Variants in C11orf65 observed in about 807,000 individuals in gnomAD.
The protein encoded by C11orf65 is chromosome 11 open reading frame 65, also known as protein MFI.
C11orf65 carries 38 observed loss-of-function variants against 35.3 expected under a neutral mutation model. The ratio of observed to expected loss-of-function variants is 1.08; its 90% CI spans 0.83 to 1.41. C11orf65 has a LOEUF of 1.41. Ranked by LOEUF, C11orf65 falls within the 40% of genes most tolerant of loss-of-function variation. C11orf65 has a pLI of 0.00. For missense variants in C11orf65, 370 were observed against 367.1 expected, an observed-to-expected ratio of 1.01 and a Z score of -0.06; for synonymous variants, 105 against 114.4, an observed-to-expected ratio of 0.92 and a Z score of 0.53.
intron 6 of C11orf65, among the ~76,000 whole-genome samples, chr11:108,401,295 T>C (rs1242405849): frequency 6.6e-6 from 1 of 151,328 alleles, no homozygotes; most frequent in African/African-American, 2.4e-5. Context: ...ATCCTTTTTC[T>C]AATGGAACAG....
chr11:108,404,088 ATCCCTG>A (rs1224070223), intron 6 of C11orf65, among the ~76,000 whole-genome samples: 1 of 151,982 alleles, frequency 6.6e-6, no homozygotes, highest in East Asian at 1.9e-4. Context: ...TTCTTTCCAA[ATCCCTG>A]ACCATCCAGT....
downstream of C11orf65, among the ~76,000 whole-genome samples, chr11:108,326,605 C>A (rs1048537302): frequency 5.9e-5 from 9 of 152,132 alleles, no homozygotes; most frequent in Admixed American, 4.6e-4. Flanking sequence ...CAAGTTGGGA[C>A]AATTAGGTTG....
chr11:108,330,398 T>G (rs754245181), downstream of C11orf65: 1 of 1,614,028 alleles, frequency 6.2e-7, no homozygotes, highest in Non-Finnish European at 8.5e-7. Context: ...TTCTGGAGTT[T>G]CTGAAGTCAA....
At chr11:108,418,479 G>A (rs1289144460) in intron 3 of C11orf65, among the ~76,000 whole-genome samples, 1 of 152,014 alleles carries the variant, frequency 6.6e-6, no homozygotes, top group African/African-American at 2.4e-5. Flanking sequence ...ATGAAAATAT[G>A]ACATATCAAA....
Position 108,358,171 on chromosome 11 carries a change from G to A in C11orf65, c.227-22879C>T, listed in dbSNP as rs1215465217. ...ATGCAGAAGCCTCAGGAGCCGATGC[G>A]ATCAACTGGAAGAAAGGGTATCAGC... On this transcript the variant is annotated intron_variant, in intron 2 of 3. Coordinates refer to the C11orf65 transcript ENST00000524755. 2.7e-4 allele frequency among the ~76,000 whole-genome samples: 41 copies of A among 151,748 alleles called. No individual in the cohort carries two copies. The East Asian group carries it at 2.7e-3, about 10-fold the overall frequency.
Position 108,461,582 on chromosome 11 carries a change from A to G in C11orf65, c.-9-14T>C, listed in dbSNP as rs1222251994. 7.1e-7 allele frequency: 1 copy of G among 1,400,360 alleles called. No homozygotes were observed. Among genetic ancestry groups the G allele is most frequent in the Non-Finnish European group, 9.9e-7 (1 of 1,005,342 alleles). The allele number at this position is 1,400,360 out of a possible 1,614,324, so 86.7% of individuals were successfully genotyped here. A position where few individuals can be genotyped will look rare whatever the true frequency, so the allele number is the denominator to read the frequency against. On this transcript the variant is annotated splice_polypyrimidine_tract_variant and intron_variant, in intron 1 of 8. Coordinates refer to ENST00000393084, the MANE Select transcript of C11orf65 (RefSeq NM_152587.5). ...CATTTGAAATTCCTAAAAGAAAATG[A>G]GCAAAAAGGGTACATTTAAAATAAT...
At chr11:108,339,970 A>C (rs2087328573) in intron 2 of C11orf65, among the ~76,000 whole-genome samples, 1 of 152,154 alleles carries the variant, frequency 6.6e-6, no homozygotes. Context: ...TTATATACCT[A>C]CGTTGGGTTA....
chr11:108,454,064 G>C (rs1233265747), intron 2 of C11orf65, among the ~76,000 whole-genome samples: 1 of 152,108 alleles, frequency 6.6e-6, no homozygotes, highest in African/African-American at 2.4e-5. Flanking sequence ...TTCTTTGACG[G>C]GAGGTTTTTT....
chr11:108,453,520 A>C (rs897920245), intron 2 of C11orf65, among the ~76,000 whole-genome samples: 4 of 152,194 alleles, frequency 2.6e-5, no homozygotes, highest in Non-Finnish European at 4.4e-5. Flanking sequence ...ATTTAAATAT[A>C]AGGGCACAAA....
chr11:108,455,592 C>T (rs910695026), intron 2 of C11orf65, among the ~76,000 whole-genome samples: 2 of 151,204 alleles, frequency 1.3e-5, no homozygotes, highest in Admixed American at 6.6e-5. Flanking sequence ...TCGAGGCGGG[C>T]GGATCACGAG....
At chr11:108,367,065 G>T (rs1368208870) in intron 2 of C11orf65, 1 of 182,914 alleles carries the variant, frequency 5.5e-6, no homozygotes, top group Non-Finnish European at 1.2e-5. Context: ...TCAGCTCACT[G>T]AAACCTCTGC....
chr11:108,326,194 T>C lies in C11orf65; in HGVS notation c.641-17123A>G, dbSNP rs1555120006. On this transcript the variant is annotated intron_variant, in intron 6 of 6. Transcript: ENST00000525729. ...CTTGCCCTGAGTATTCTCAAGCAAA[T>C]GATCAAGAAGTTGGATGCCAGCTGT... 1.2e-6 allele frequency: 2 copies of C among 1,614,018 alleles called. No individual in the cohort carries two copies. Among genetic ancestry groups the C allele is most frequent in the Non-Finnish European group, 1.7e-6 (2 of 1,180,022 alleles).
chr11:108,360,536 A>G (rs1004284026), intron 2 of C11orf65, among the ~76,000 whole-genome samples: 1 of 137,876 alleles, frequency 7.3e-6, no homozygotes, highest in Non-Finnish European at 1.6e-5. Context: ...ACATTGATGC[A>G]AAAATCCTCA....
intron 6 of C11orf65, among the ~76,000 whole-genome samples, chr11:108,402,577 A>G (rs1267352200): frequency 6.7e-6 from 1 of 149,320 alleles, no homozygotes; most frequent in Non-Finnish European, 1.5e-5. Context: ...TTTTTTTACT[A>G]TTTTATTGAG....
At chr11:108,465,907 C>T (rs1300686715) in intron 1 of C11orf65, among the ~76,000 whole-genome samples, 1 of 151,260 alleles carries the variant, frequency 6.6e-6, no homozygotes, top group Non-Finnish European at 1.5e-5. Flanking sequence ...ATTGCTTGAA[C>T]CTGGCAGGCG....
chr11:108,463,547 T>C (rs114820743), intron 1 of C11orf65, among the ~76,000 whole-genome samples: 1,743 of 152,296 alleles, frequency 0.011, 37 homozygotes, highest in African/African-American at 0.04. Context: ...TGAGGCAAGA[T>C]AGACCAGGGT....
intron 6 of C11orf65, among the ~76,000 whole-genome samples, chr11:108,394,148 C>T (rs941356618): frequency 1.6e-4 from 24 of 147,658 alleles, no homozygotes; most frequent in Admixed American, 1.5e-3. Flanking sequence ...AAACTGCACT[C>T]CAGCCTGGGC....
chr11:108,442,739 A>T (rs1008742657), intron 2 of C11orf65, among the ~76,000 whole-genome samples: 5 of 152,202 alleles, frequency 3.3e-5, no homozygotes, highest in African/African-American at 1.2e-4. Flanking sequence ...TTCATCAGTG[A>T]AGGAAAAATA....
Position 108,385,940 on chromosome 11 carries a change from T to C in C11orf65, c.767A>G (p.Asn256Ser). ...CCTACCTTTGAAGTTAGCCGAAGAGTTGCTTGTAGCAATTTCCTTCCAGCT... is the reference window on the plus strand; with the variant it reads ...CCTACCTTTGAAGTTAGCCGAAGAGCTGCTTGTAGCAATTTCCTTCCAGCT... ...IASWKEIATS[N>S]SSANFKGFRF... The change falls in exon 8 of 9, where the codon AAC becomes AGC. Residue 256 changes from asparagine (N) to serine (S), a missense_variant. Physicochemically the swap from Asn to Ser is conservative, Grantham distance 46 (BLOSUM62 1). Coordinates refer to ENST00000393084, the MANE Select transcript of C11orf65 (RefSeq NM_152587.5). The C allele has an allele frequency of 6.2e-7, 1 of 1,613,802 alleles. No homozygotes were observed. The highest frequency in any genetic ancestry group is 1.7e-5 in the Admixed American group (1 of 59,960).
Sources: allele counts gnomAD v4.1 joint callset (sites outside exome capture counted in the v4.1 genomes callset), GRCh38; gene constraint gnomAD v4.1.1; transcripts MANE v1.5; gene names NCBI Gene and HGNC (gene_info 2026-07-23, HGNC 2026-07-21).